The following UBE3D variants were observed in gnomAD, a reference collection of about 807,000 sequenced individuals.
UBE3D encodes the protein ubiquitin protein ligase E3D, also known as E3 ubiquitin-protein ligase E3D.
Under a neutral mutation model 49.6 loss-of-function variants are expected in UBE3D, and 48 were observed. The observed-to-expected ratio is 0.97, with a 90% confidence interval of 0.77 to 1.23. The LOEUF (loss-of-function observed/expected upper bound fraction) is 1.23, where lower values mean the gene tolerates loss of function less well. UBE3D is among the 50% of genes most tolerant of loss of function. The probability of loss-of-function intolerance (pLI) is 0.00; values close to 1 mark genes in which losing one functional copy is unlikely to be tolerated. For synonymous variants in UBE3D, 189 were observed against 174.2 expected (o/e 1.08, Z -0.67); for missense variants, 452 against 468.4 (o/e 0.96, Z 0.32).
intron 9 of UBE3D, among the ~76,000 whole-genome samples, chr6:82,948,642 A>T (rs886172534): frequency 6.6e-6 from 1 of 152,082 alleles, no homozygotes. Context: ...TGAATTCAAT[A>T]ACACATTAAA....
At chr6:82,896,932 G>T (rs1044531530) in intron 9 of UBE3D, among the ~76,000 whole-genome samples, 1 of 151,654 alleles carries the variant, frequency 6.6e-6, no homozygotes, top group African/African-American at 2.4e-5. Flanking sequence ...GTAGAGATGG[G>T]GTTTCACCAT....
At chr6:82,928,101 G>C (rs192469474) in intron 9 of UBE3D, among the ~76,000 whole-genome samples, 1 of 152,010 alleles carries the variant, frequency 6.6e-6, no homozygotes, top group Non-Finnish European at 1.5e-5. Context: ...GTACCAATCT[G>C]GTGAGGGATG....
intron 8 of UBE3D, among the ~76,000 whole-genome samples, chr6:82,962,670 C>T (rs887656511): frequency 2.6e-5 from 4 of 152,074 alleles, no homozygotes; most frequent in Middle Eastern, 3.4e-3. Flanking sequence ...CCCATTGAAG[C>T]GCATAAAGGA....
chr6:82,915,847 AG>A (rs1772878689), intron 9 of UBE3D, among the ~76,000 whole-genome samples: 1 of 152,194 alleles, frequency 6.6e-6, no homozygotes, highest in South Asian at 2.1e-4. Context: ...CAGGTAGAGC[AG>A]GAAGTGATGC....
At chr6:82,887,711 C>CA (rs898209606), downstream of UBE3D, among the ~76,000 whole-genome samples, 28 of 147,600 alleles carry the variant, frequency 1.9e-4, no homozygotes, top group South Asian at 8.5e-4. Context: ...TCCATCCCCC[C>CA]AAAAAAAAAG....
chr6:82,912,434 G>A (rs1177311577), intron 9 of UBE3D, among the ~76,000 whole-genome samples: 1 of 151,224 alleles, frequency 6.6e-6, no homozygotes, highest in Non-Finnish European at 1.5e-5. Context: ...CTATTAAACT[G>A]GAATTTTTGG....
chr6:82,886,502 G>C, the UBE3D span, among the ~76,000 whole-genome samples: 1 of 152,196 alleles, frequency 6.6e-6, no homozygotes, highest in Non-Finnish European at 1.5e-5. Flanking sequence ...CTGGTCCATA[G>C]CCCGGGGGTT....
chr6:82,929,992 T>A (rs1774026700), intron 9 of UBE3D, among the ~76,000 whole-genome samples: 2 of 151,932 alleles, frequency 1.3e-5, no homozygotes, highest in Non-Finnish European at 2.9e-5. Context: ...TTTGGCTGCA[T>A]CCCCCCCAAA....
At chr6:83,000,671 G>A (rs1395610810) in intron 8 of UBE3D, among the ~76,000 whole-genome samples, 1 of 151,552 alleles carries the variant, frequency 6.6e-6, no homozygotes, top group Non-Finnish European at 1.5e-5. Context: ...AGTCCCTTTG[G>A]GTCCCTGAGT....
chr6:82,937,829 T>C (rs1774699578), intron 9 of UBE3D, among the ~76,000 whole-genome samples: 1 of 152,084 alleles, frequency 6.6e-6, no homozygotes, highest in African/African-American at 2.4e-5. Context: ...GGTTCTTCCT[T>C]TACTAGCCTC....
At chr6:82,916,007 T>C (rs1195731840) in intron 9 of UBE3D, among the ~76,000 whole-genome samples, 1 of 152,216 alleles carries the variant, frequency 6.6e-6, no homozygotes, top group Non-Finnish European at 1.5e-5. Context: ...AGTAGATGTT[T>C]ACAATTAGAA....
At chr6:83,032,310 G>A in intron 5 of UBE3D, 1 of 454,608 alleles carries the variant, frequency 2.2e-6, no homozygotes, top group South Asian at 1.6e-5. Flanking sequence ...GCATGACCTG[G>A]ATGTGAGACA....
intron 8 of UBE3D, among the ~76,000 whole-genome samples, chr6:82,985,008 CTTTTTTTT>C (rs70987727): frequency 1.9e-5 from 1 of 52,998 alleles, no homozygotes; most frequent in East Asian, 6.7e-4. Context: ...TCTTCTTCTT[CTTTTTTTT>C]TTTTTTTTTT....
chr6:82,971,296 T>C (rs1354491615), intron 8 of UBE3D, among the ~76,000 whole-genome samples: 2 of 152,094 alleles, frequency 1.3e-5, no homozygotes, highest in Non-Finnish European at 2.9e-5. Flanking sequence ...AGGAAATCAG[T>C]TAAAAACTTA....
chr6:82,957,438 C>T lies in UBE3D; in HGVS notation c.1023G>A (p.Leu341=), dbSNP rs767801320. The T allele has an allele frequency of 1.2e-6, 2 of 1,613,908 alleles. No individual in the cohort carries two copies. The highest frequency in any genetic ancestry group is 1.3e-5 in the African/African-American group (1 of 75,018). The part of the protein sequence containing the change: ...IKSRNEKLVS[L]WESDISVHPL... ...GGTGGACGCTGATGTCACTTTCCCA[C>T]AAGCTGACAAGTCTGGAACACACCA... Residue 341 remains leucine (L), a synonymous_variant, in exon 9 of 10, where the codon TTG becomes TTA. Coordinates refer to ENST00000369747, the MANE Select transcript of UBE3D (RefSeq NM_198920.3).
At chr6:82,952,432 A>T (rs1181646404) in intron 9 of UBE3D, among the ~76,000 whole-genome samples, 2 of 148,028 alleles carry the variant, frequency 1.4e-5, no homozygotes, top group Non-Finnish European at 3.0e-5. Flanking sequence ...TTAATATCTA[A>T]TTTTTTTTTT....
At chr6:82,941,270 T>G (rs1365541693) in intron 9 of UBE3D, among the ~76,000 whole-genome samples, 2 of 151,120 alleles carry the variant, frequency 1.3e-5, no homozygotes, top group Non-Finnish European at 3.0e-5. Flanking sequence ...TTAATTTTCT[T>G]TATATTTTTA....
chr6:83,022,356 C>G lies in UBE3D; in HGVS notation c.846+97G>C, dbSNP rs112588958. The G allele has an allele frequency of 2.5e-3, 2,070 of 813,218 alleles. 26 individuals are homozygous for G. The African/African-American group carries it at 0.033, about 13-fold the overall frequency. The allele number at this position is 813,218 out of a possible 1,614,324, so 50.4% of individuals were successfully genotyped here. The stretch of plus-strand genomic sequence containing the variant: ...ATTAACATTTTTAATCACTTATTTT[C>G]CACACCTGAGAATTAAGAAAAAAGG... On this transcript the variant is annotated intron_variant, in intron 7 of 9. Coordinates refer to ENST00000369747, the MANE Select transcript of UBE3D (RefSeq NM_198920.3).
intron 8 of UBE3D, among the ~76,000 whole-genome samples, chr6:82,975,326 A>G (rs917730922): frequency 1.3e-5 from 2 of 152,160 alleles, no homozygotes; most frequent in Non-Finnish European, 2.9e-5. Context: ...ATATTTTGAT[A>G]AGTTTTAAAA....
Sources: allele counts gnomAD v4.1 joint callset (sites outside exome capture counted in the v4.1 genomes callset), GRCh38; gene constraint gnomAD v4.1.1; transcripts MANE v1.5; gene names NCBI Gene and HGNC (gene_info 2026-07-23, HGNC 2026-07-21).